The following DYM variants were observed in gnomAD, a reference collection of about 807,000 sequenced individuals.
DYM encodes dyggve-Melchior-Clausen syndrome protein.
A neutral mutation model predicts 93.1 loss-of-function variants in DYM; 78 were observed. The observed-to-expected ratio is 0.84, with a 90% CI of 0.70 to 1.01. DYM has a LOEUF of 1.01. DYM is among the 50% of genes least tolerant of loss of function. DYM has a pLI of 0.00. For missense variants in DYM, 789 were observed against 845.0 expected (o/e 0.93, Z 0.82); for synonymous variants, 321 against 319.7 (o/e 1.00, Z -0.04).
At chr18:49,331,241 G>GC (rs1371600419) in intron 8 of DYM, among the ~76,000 whole-genome samples, 3 of 152,156 alleles carry the variant, frequency 2.0e-5, no homozygotes, top group African/African-American at 7.2e-5. Context: ...CATGACCCAG[G>GC]CCCTCCACCA....
intron 17 of DYM, among the ~76,000 whole-genome samples, chr18:49,077,181 C>T (rs1168298590): frequency 2.0e-5 from 3 of 152,140 alleles, no homozygotes; most frequent in East Asian, 1.9e-4. Flanking sequence ...TCATAAATTT[C>T]GTCGTTTGTA....
At chr18:49,333,677 A>C (rs753028083) in intron 7 of DYM, 51 bp downstream of exon 7, 2 of 1,578,006 alleles carry the variant, frequency 1.3e-6, no homozygotes, top group Non-Finnish European at 1.7e-6. Flanking sequence ...AAGACTAGAA[A>C]TATAGATTTA....
At chr18:49,442,350 A>C (rs2081711570) in intron 1 of DYM, among the ~76,000 whole-genome samples, 2 of 151,842 alleles carry the variant, frequency 1.3e-5, no homozygotes. Context: ...TTGGAGATCA[A>C]CCTGGGCAAC....
At chr18:49,124,909 T>G (rs2082672389) in intron 15 of DYM, among the ~76,000 whole-genome samples, 1 of 152,252 alleles carries the variant, frequency 6.6e-6, no homozygotes, top group Admixed American at 6.5e-5. Context: ...GAAATAAGTT[T>G]GAAGAGTGGC....
intron 1 of DYM, among the ~76,000 whole-genome samples, chr18:49,460,162 G>A (rs996651984): frequency 6.6e-6 from 1 of 152,204 alleles, no homozygotes; most frequent in Middle Eastern, 3.2e-3. Flanking sequence ...CACCGACTTG[G>A]CCTTCGGTAT....
intron 17 of DYM, among the ~76,000 whole-genome samples, chr18:49,070,450 G>C (rs2076799197): frequency 6.6e-6 from 1 of 152,130 alleles, no homozygotes; most frequent in Non-Finnish European, 1.5e-5. Flanking sequence ...CTCCACTTAT[G>C]TGCTTCAGAA....
chr18:49,343,622 A>G (rs1568285802), intron 6 of DYM, among the ~76,000 whole-genome samples: 1 of 152,316 alleles, frequency 6.6e-6, no homozygotes, highest in East Asian at 1.9e-4. Context: ...CACCTAAAAC[A>G]AGGACTGACA....
intron 6 of DYM, among the ~76,000 whole-genome samples, chr18:49,362,757 A>C (rs966410490): frequency 3.9e-5 from 6 of 152,186 alleles, no homozygotes; most frequent in African/African-American, 1.4e-4. Flanking sequence ...TGGAAACGAA[A>C]ACCTGGCTTC....
intron 15 of DYM, among the ~76,000 whole-genome samples, chr18:49,147,270 C>T (rs1377788239): frequency 1.3e-5 from 2 of 151,900 alleles, no homozygotes; most frequent in Admixed American, 6.6e-5. Context: ...CAATACCATT[C>T]AGGACATAGG....
At chr18:49,300,120 TAC>T (rs1441309267) in intron 8 of DYM, among the ~76,000 whole-genome samples, 1 of 147,216 alleles carries the variant, frequency 6.8e-6, no homozygotes, top group East Asian at 1.9e-4. Flanking sequence ...CATAAATATA[TAC>T]ATATTTGTAT....
At chr18:49,441,276 T>TTATATATA (rs1568454725) in intron 1 of DYM, among the ~76,000 whole-genome samples, 553 of 43,294 alleles carry the variant, frequency 0.013, 21 homozygotes, top group East Asian at 0.04. Context: ...ATAATATATA[T>TTATATATA]TATATAATTA....
intron 16 of DYM, among the ~76,000 whole-genome samples, chr18:49,107,641 G>T (rs553700472): frequency 6.6e-6 from 1 of 152,338 alleles, no homozygotes; most frequent in Non-Finnish European, 1.5e-5. Context: ...ACCCTCAGCT[G>T]CAGGTCTGTT....
At chr18:49,187,733 A>G (rs896893310) in intron 14 of DYM, among the ~76,000 whole-genome samples, 1 of 152,216 alleles carries the variant, frequency 6.6e-6, no homozygotes, top group African/African-American at 2.4e-5. Context: ...AATATAGACC[A>G]CCAGAAGAAA....
chr18:49,246,770 A>G (rs1397572490), intron 13 of DYM, among the ~76,000 whole-genome samples: 1 of 152,242 alleles, frequency 6.6e-6, no homozygotes, highest in Non-Finnish European at 1.5e-5. Flanking sequence ...GTACAAAGCA[A>G]AGAGGAATGA....
intron 6 of DYM, among the ~76,000 whole-genome samples, chr18:49,338,404 G>A (rs2063829541): frequency 6.6e-6 from 1 of 152,164 alleles, no homozygotes; most frequent in Non-Finnish European, 1.5e-5. Flanking sequence ...CGACTTTTTT[G>A]AGGAACTGCA....
chr18:49,052,650 G>A (rs1281083924), intron 17 of DYM, among the ~76,000 whole-genome samples: 2 of 152,354 alleles, frequency 1.3e-5, no homozygotes, highest in East Asian at 3.9e-4. Context: ...TGGTGGCCCA[G>A]GGCCCCGGCT....
At chr18:49,215,933 C>A (rs191625077) in intron 13 of DYM, among the ~76,000 whole-genome samples, 1 of 152,112 alleles carries the variant, frequency 6.6e-6, no homozygotes, top group Non-Finnish European at 1.5e-5. Context: ...GTGCGGGAGC[C>A]GAAGCAGGGC....
intron 13 of DYM, among the ~76,000 whole-genome samples, chr18:49,252,381 A>G (rs2145006304): frequency 6.6e-6 from 1 of 152,166 alleles, no homozygotes; most frequent in South Asian, 2.1e-4. Context: ...ACAAAGTGGC[A>G]GGGAGAAGAG....
At chr18:49,190,813 G>A (rs920284645) in intron 14 of DYM, among the ~76,000 whole-genome samples, 1 of 152,044 alleles carries the variant, frequency 6.6e-6, no homozygotes, top group Non-Finnish European at 1.5e-5. Context: ...GGCCTATTCA[G>A]TGTGAAGACA....
Sources: allele counts gnomAD v4.1 joint callset (sites outside exome capture counted in the v4.1 genomes callset), GRCh38; gene constraint gnomAD v4.1.1; transcripts MANE v1.5; gene names NCBI Gene and HGNC (gene_info 2026-07-23, HGNC 2026-07-21).